The following SETBP1 variants were observed in gnomAD, a reference collection of about 807,000 sequenced individuals.
The protein encoded by SETBP1 is SET-binding protein.
In SETBP1, 9 loss-of-function variants were observed where a neutral mutation model predicts 101.0. That is an observed-to-expected ratio of 0.09 (90% CI 0.05 to 0.16). The LOEUF is 0.16. SETBP1 is among the 10% of genes least tolerant of loss of function. The probability of loss-of-function intolerance (pLI) is 1.00; values close to 1 mark genes in which losing one functional copy is unlikely to be tolerated. For missense variants in SETBP1, 1,858 were observed against 2,033.8 expected, an observed-to-expected ratio of 0.91 and a Z score of 1.66; for synonymous variants, 818 against 788.5, an observed-to-expected ratio of 1.04 and a Z score of -0.63.
intron 4 of SETBP1, among the ~76,000 whole-genome samples, chr18:44,992,853 GA>G (rs1484061092): frequency 1.3e-5 from 2 of 151,686 alleles, no homozygotes; most frequent in Non-Finnish European, 3.0e-5. Flanking sequence ...CACAGAATGA[GA>G]AAAAAGAAAT....
At chr18:44,963,686 C>A (rs906705652) in intron 4 of SETBP1, among the ~76,000 whole-genome samples, 2 of 151,640 alleles carry the variant, frequency 1.3e-5, no homozygotes, top group Non-Finnish European at 2.9e-5. Context: ...CCCAGGAGTT[C>A]AAAACCAGCC....
At chr18:44,767,801 G>A (rs1024421020) in intron 2 of SETBP1, among the ~76,000 whole-genome samples, 9 of 152,156 alleles carry the variant, frequency 5.9e-5, no homozygotes, top group African/African-American at 1.7e-4. Flanking sequence ...GGAATAAAAC[G>A]AAATAGACGT....
At chr18:44,991,847 A>G (rs2072385374) in intron 4 of SETBP1, among the ~76,000 whole-genome samples, 1 of 152,220 alleles carries the variant, frequency 6.6e-6, no homozygotes, top group Admixed American at 6.5e-5. Flanking sequence ...AACAAAGCAC[A>G]TGTAGAACAA....
intron 3 of SETBP1, among the ~76,000 whole-genome samples, chr18:44,873,729 T>C (rs1201771255): frequency 6.6e-6 from 1 of 152,158 alleles, no homozygotes; most frequent in Non-Finnish European, 1.5e-5. Flanking sequence ...TTTCAGGTCT[T>C]AAAGGTCTGG....
At chr18:44,848,758 C>T (rs1311289324) in intron 2 of SETBP1, among the ~76,000 whole-genome samples, 2 of 152,290 alleles carry the variant, frequency 1.3e-5, no homozygotes, top group South Asian at 2.1e-4. Flanking sequence ...GGAAGCCTCC[C>T]GATGATTCCG....
intron 4 of SETBP1, among the ~76,000 whole-genome samples, chr18:44,956,385 C>T (rs1284439728): frequency 6.6e-6 from 1 of 152,026 alleles, no homozygotes; most frequent in African/African-American, 2.4e-5. Flanking sequence ...CATGAAAAGA[C>T]AGGAGGCAGA....
chr18:44,839,172 G>A (rs1262080533), intron 2 of SETBP1, among the ~76,000 whole-genome samples: 2 of 152,086 alleles, frequency 1.3e-5, no homozygotes, highest in Non-Finnish European at 2.9e-5. Flanking sequence ...GCTTCTGGAG[G>A]GCCTGAAATG....
At chr18:44,706,622 A>T (rs965631488) in intron 2 of SETBP1, among the ~76,000 whole-genome samples, 1 of 150,008 alleles carries the variant, frequency 6.7e-6, no homozygotes, top group Non-Finnish European at 1.5e-5. Flanking sequence ...AAAAAAAAAA[A>T]AAAATTCCAG....
At chr18:44,761,693 A>C (rs2070651829) in intron 2 of SETBP1, among the ~76,000 whole-genome samples, 1 of 152,140 alleles carries the variant, frequency 6.6e-6, no homozygotes. Context: ...AAGACAACCT[A>C]CTATATTTTT....
intron 3 of SETBP1, among the ~76,000 whole-genome samples, chr18:44,912,123 T>TTTA (rs2070323870): frequency 6.6e-6 from 1 of 152,162 alleles, no homozygotes; most frequent in Non-Finnish European, 1.5e-5. Context: ...GTAGCTCAGG[T>TTTA]TTATTATAAG....
chr18:45,012,029 G>A (rs2145380388), intron 4 of SETBP1, among the ~76,000 whole-genome samples: 1 of 152,288 alleles, frequency 6.6e-6, no homozygotes, highest in Non-Finnish European at 1.5e-5. Context: ...TTAGAAGAGG[G>A]ACTTCTTCAT....
chr18:44,817,692 A>G (rs980907885), intron 2 of SETBP1, among the ~76,000 whole-genome samples: 1 of 151,702 alleles, frequency 6.6e-6, no homozygotes, highest in Non-Finnish European at 1.5e-5. Context: ...CTCAAAAAAA[A>G]AAAAAGAAAA....
At chr18:44,797,325 A>G (rs1290462254) in intron 2 of SETBP1, among the ~76,000 whole-genome samples, 2 of 152,226 alleles carry the variant, frequency 1.3e-5, no homozygotes, top group Non-Finnish European at 2.9e-5. Context: ...TTCAATTTAT[A>G]CATGTTTTTC....
chr18:45,055,580 A>G (rs1035454611), intron 5 of SETBP1, among the ~76,000 whole-genome samples: 2 of 152,134 alleles, frequency 1.3e-5, no homozygotes, highest in African/African-American at 4.8e-5. Flanking sequence ...AGCACTTGTG[A>G]TAAGTAATTT....
intron 2 of SETBP1, among the ~76,000 whole-genome samples, chr18:44,793,024 T>C (rs1349656403): frequency 1.3e-5 from 2 of 152,152 alleles, no homozygotes; most frequent in Admixed American, 6.5e-5. Flanking sequence ...TTACATGGAG[T>C]GGCCAGATGA....
At chr18:44,825,099 G>A (rs991275164) in intron 2 of SETBP1, among the ~76,000 whole-genome samples, 3 of 152,212 alleles carry the variant, frequency 2.0e-5, no homozygotes, top group Non-Finnish European at 2.9e-5. Flanking sequence ...CCCACCTGGG[G>A]GCATTAAGGT....
intron 1 of SETBP1, among the ~76,000 whole-genome samples, chr18:44,689,171 T>C (rs2068887359): frequency 6.6e-6 from 1 of 152,214 alleles, no homozygotes; most frequent in South Asian, 2.1e-4. Context: ...AGGGACATTC[T>C]TGGCGGGTAG....
intron 2 of SETBP1, among the ~76,000 whole-genome samples, chr18:44,785,806 A>G (rs1222876527): frequency 1.3e-5 from 2 of 152,186 alleles, no homozygotes; most frequent in Admixed American, 6.5e-5. Flanking sequence ...CTTCTCTCTT[A>G]TATGTTGCCA....
rs894361585 is a variant in SETBP1 at position 45,030,511 on chromosome 18, T to C, written c.4001-7974T>C. Among the ~76,000 whole-genome samples, 3 of 140,082 alleles carry C rather than the reference T, an allele frequency of 2.1e-5. No homozygotes were observed. In the Admixed American group the frequency reaches 2.2e-4, roughly 10 times the overall value. 91.9% of individuals were successfully genotyped at this position (140,082 alleles called of 152,430 possible). ...TCTCTGCCAGGCTTTGGTATCAGGA[T>C]GATGCTGGCCTCTTAAAATGAGTTA... On this transcript the variant is annotated intron_variant, in intron 4 of 5. Coordinates refer to ENST00000649279, the MANE Select transcript of SETBP1 (RefSeq NM_015559.3).
Sources: gnomAD v4.1 joint callset for allele counts (sites outside exome capture counted in the v4.1 genomes callset) on GRCh38, gnomAD v4.1.1 for gene constraint, MANE v1.5 for transcripts, NCBI Gene and HGNC (gene_info 2026-07-23, HGNC 2026-07-21) for gene names.